Variants in SECTM1 observed in about 807,000 individuals in gnomAD.
SECTM1 encodes the protein secreted and transmembrane 1, also known as secreted and transmembrane protein 1.
Under a neutral mutation model 18.1 loss-of-function variants are expected in SECTM1, and 10 were observed. The ratio of observed to expected loss-of-function variants is 0.55; its 90% CI spans 0.34 to 0.94. The LOEUF is 0.94. Among genes scored for constraint, SECTM1 ranks in the 40% least tolerant of loss-of-function variants. The probability of loss-of-function intolerance (pLI) is 0.02; values close to 1 mark genes in which losing one functional copy is unlikely to be tolerated. For missense variants in SECTM1, 297 were observed against 322.6 expected (o/e 0.92, Z 0.61); for synonymous variants, 137 against 139.2 (o/e 0.98, Z 0.11).
intron 3 of SECTM1, 50 bp downstream of exon 3, chr17:82,324,532 C>CCG: frequency 6.5e-6 from 7 of 1,079,958 alleles, no homozygotes; most frequent in South Asian, 1.7e-5. Flanking sequence ...CTCCCCTCCC[C>CCG]GTGTCCCCTC....
Position 82,329,247 on chromosome 17 carries a change from C to G in SECTM1, c.-52-1955G>C, listed in dbSNP as rs940587763. ...GCCACAGGCAGCCACCCGGTCATTC[C>G]CATACTCTCACCATGGTCCTGCCTC... On this transcript the variant is annotated intron_variant, in intron 1 of 4. Coordinates refer to ENST00000269389, the MANE Select transcript of SECTM1 (RefSeq NM_003004.3). The surrounding 1 kb of genome is among the most constrained non-coding windows in gnomAD (Gnocchi z 7.6). 1 of 152,596 alleles carries G rather than the reference C, an allele frequency of 6.6e-6. No homozygotes were observed. The highest frequency in any genetic ancestry group is 6.5e-5 in the Admixed American group (1 of 15,284). 9.5% of individuals were successfully genotyped at this position (152,596 alleles called of 1,614,324 possible). A position where few individuals can be genotyped will look rare whatever the true frequency, so the allele number is the denominator to read the frequency against.
chr17:82,322,386 G>A lies in SECTM1; in HGVS notation c.538-16C>T. ...AGAACTTCTTCTGCAGGGGGAGGAAGGAGGTGCCTGTGTGAGCCGCGCGCC... is the reference window on the plus strand; with the variant it reads ...AGAACTTCTTCTGCAGGGGGAGGAAAGAGGTGCCTGTGTGAGCCGCGCGCC... On this transcript the variant is annotated splice_polypyrimidine_tract_variant and intron_variant, in intron 4 of 4. Coordinates refer to ENST00000269389, the MANE Select transcript of SECTM1 (RefSeq NM_003004.3). 1 of 1,612,334 alleles carries A rather than the reference G, an allele frequency of 6.2e-7. No individual in the cohort carries two copies. The highest frequency in any genetic ancestry group is 1.7e-5 in the Admixed American group (1 of 59,982).
rs911165362 is a variant in SECTM1 at position 82,321,616 on chromosome 17, C to T, written c.*545G>A. ...CCTCCCAGCCCGGCCTGCGCTGCCC[C>T]CTGGCGGTGGGGCCAGGAGCCATCC... On this transcript the variant is annotated 3_prime_UTR_variant, in exon 5 of 5. Coordinates refer to ENST00000269389, the MANE Select transcript of SECTM1 (RefSeq NM_003004.3). 4 of 153,494 alleles carry T rather than the reference C, an allele frequency of 2.6e-5. No homozygotes were observed. Among genetic ancestry groups the T allele is most frequent in the African/African-American group, 9.6e-5 (4 of 41,470 alleles). 9.5% of individuals were successfully genotyped at this position (153,494 alleles called of 1,614,324 possible). A position where few individuals can be genotyped will look rare whatever the true frequency, so the allele number is the denominator to read the frequency against.
chr17:82,331,337 T>C (rs922274200), intron 1 of SECTM1, among the ~76,000 whole-genome samples: 7 of 152,176 alleles, frequency 4.6e-5, no homozygotes, highest in South Asian at 2.1e-4. Flanking sequence ...CTGCGGACCA[T>C]GCGTGGCCCC....
intron 3 of SECTM1, among the ~76,000 whole-genome samples, chr17:82,324,152 G>A (rs112425636): frequency 0.029 from 4,386 of 152,146 alleles, 105 homozygotes; most frequent in Non-Finnish European, 0.045. Context: ...CAGGTATTTG[G>A]GGTGCAGTTT....
At position 82,322,994 on chromosome 17, in the gene SECTM1, C is replaced by A. The variant is rs1350041865; in HGVS notation, c.421G>T (p.Ala141Ser). Reference sequence around the variant, plus strand: ...ACAGGCCAGAACCCAGTGTCGGGGGCGGACTGGGGTTCTGCACCTGAAGGA... The same window carrying A: ...ACAGGCCAGAACCCAGTGTCGGGGGAGGACTGGGGTTCTGCACCTGAAGGA... ...LEVSGAEPQS[A>S]PDTGFWPVPA... The change falls in exon 4 of 5, where the codon GCC becomes TCC. Residue 141 changes from alanine (A) to serine (S), a missense_variant. Coordinates refer to ENST00000269389, the MANE Select transcript of SECTM1 (RefSeq NM_003004.3). 7 of 1,612,750 alleles carry A rather than the reference C, an allele frequency of 4.3e-6. No individual in the cohort carries two copies. Among genetic ancestry groups the A allele is most frequent in the East Asian group, 4.5e-5 (2 of 44,840 alleles).
At chr17:82,333,269 C>A (rs912063481) in intron 1 of SECTM1, among the ~76,000 whole-genome samples, 2 of 152,222 alleles carry the variant, frequency 1.3e-5, no homozygotes, top group African/African-American at 2.4e-5. Flanking sequence ...GGCCGAGGAC[C>A]GGGAAGGGAG....
Position 82,322,093 on chromosome 17 carries a change from C to T in SECTM1, c.*68G>A, listed in dbSNP as rs1334499655. 2.0e-6 allele frequency: 3 copies of T among 1,528,132 alleles called. No homozygotes were observed. In the African/African-American group the frequency reaches 4.1e-5, roughly 21 times the overall value. The allele number at this position is 1,528,132 out of a possible 1,614,324, so 94.7% of individuals were successfully genotyped here. A position where few individuals can be genotyped will look rare whatever the true frequency, so the allele number is the denominator to read the frequency against. ...GTGCCCTCCGGGTGGGACGAGAGACCCAGGCCCCGCCACCCAAGGTCGGCA... is the reference window on the plus strand; with the variant it reads ...GTGCCCTCCGGGTGGGACGAGAGACTCAGGCCCCGCCACCCAAGGTCGGCA... On this transcript the variant is annotated 3_prime_UTR_variant, in exon 5 of 5. Coordinates refer to ENST00000269389, the MANE Select transcript of SECTM1 (RefSeq NM_003004.3).
At position 82,329,101 on chromosome 17, in the gene SECTM1, G is replaced by A. The variant is rs2052171931; in HGVS notation, c.-52-1809C>T. Among the ~76,000 whole-genome samples, 1 of 151,302 alleles carries A rather than the reference G, an allele frequency of 6.6e-6. No homozygotes were observed. Among genetic ancestry groups the A allele is most frequent in the Non-Finnish European group, 1.5e-5 (1 of 67,822 alleles). ...CCATGTTACCAGGGGTCCTCCTGGA[G>A]CCTGGAGTCTGGGCCTGCTGAGGAC... On this transcript the variant is annotated intron_variant, in intron 1 of 4. Coordinates refer to ENST00000269389, the MANE Select transcript of SECTM1 (RefSeq NM_003004.3). This position sits in a 1 kb window ranked among gnomAD's most constrained non-coding sequence, Gnocchi z 7.6.
chr17:82,324,853 A>G lies in SECTM1; in HGVS notation c.132T>C (p.Ser44=). The change falls in exon 3 of 5, where the codon TCT becomes TCC. Residue 44 remains serine, a synonymous_variant. Coordinates refer to ENST00000269389, the MANE Select transcript of SECTM1 (RefSeq NM_003004.3). ...DSPICTEGVV[S]VSWGENTVMS... ...TGACGGTGTTCTCGCCCCAAGACAC[A>G]GAGACTACCCCCTCTGTGCAGATGG... is the stretch of plus-strand genomic sequence containing the variant. The G allele has an allele frequency of 6.2e-7, 1 of 1,613,934 alleles. No homozygotes were observed. The highest frequency in any genetic ancestry group is 8.5e-7 in the Non-Finnish European group (1 of 1,179,976).
In SECTM1 at chr17:82,328,088, G is replaced by A. The variant is rs942258656; in HGVS notation, c.-52-796C>T. 3 of 151,214 alleles carry A rather than the reference G, an allele frequency of 2.0e-5. No individual in the cohort carries two copies. The highest frequency in any genetic ancestry group is 2.1e-4 in the South Asian group (1 of 4,800). The allele number at this position is 151,214 out of a possible 1,614,324, so 9.4% of individuals were successfully genotyped here. A position where few individuals can be genotyped will look rare whatever the true frequency, so the allele number is the denominator to read the frequency against. ...CAGTTGCGTTCCTTTCGAATCCATCGTTTACACCTCTGTGTGTTCCTAATG... is the reference window on the plus strand; with the variant it reads ...CAGTTGCGTTCCTTTCGAATCCATCATTTACACCTCTGTGTGTTCCTAATG... On this transcript the variant is annotated intron_variant, in intron 1 of 4. Coordinates refer to ENST00000269389, the MANE Select transcript of SECTM1 (RefSeq NM_003004.3). This position sits in a 1 kb window ranked among gnomAD's most constrained non-coding sequence, Gnocchi z 5.8.
At position 82,322,916 on chromosome 17, in the gene SECTM1, C is replaced by A; in HGVS notation, c.499G>T (p.Ala167Ser). 1 of 1,613,870 alleles carries A rather than the reference C, an allele frequency of 6.2e-7. No homozygotes were observed. Among genetic ancestry groups the A allele is most frequent in the South Asian group, 1.1e-5 (1 of 91,072 alleles). Residue 167 changes from alanine to serine, a missense_variant, in exon 4 of 5, where the codon GCC becomes TCC. Transcript: ENST00000269389. ...TGGGAACAGCGGCACCTGTACCAGG[C>A]GAACATGACCAGAGCGACCAAGAGG... ...FILLVALVMF[A>S]WYRCRCSQQR...
rs988161198 is a variant in SECTM1 at position 82,328,717 on chromosome 17, C to G, written c.-52-1425G>C. Among the ~76,000 whole-genome samples, 1 of 152,196 alleles carries G rather than the reference C, an allele frequency of 6.6e-6. No homozygotes were observed. The highest frequency in any genetic ancestry group is 1.5e-5 in the Non-Finnish European group (1 of 68,016). ...CCTGGGTCTGTTCCAGGTGGGGCAG[C>G]GGGTAAGGCCCAGCAGGAGCCCTGG... On this transcript the variant is annotated intron_variant, in intron 1 of 4. Coordinates refer to ENST00000269389, the MANE Select transcript of SECTM1 (RefSeq NM_003004.3). This position sits in a 1 kb window ranked among gnomAD's most constrained non-coding sequence, Gnocchi z 5.8.
At chr17:82,327,955 C>A (rs1433891027) in intron 1 of SECTM1, among the ~76,000 whole-genome samples, 2 of 126,706 alleles carry the variant, frequency 1.6e-5, no homozygotes, top group Non-Finnish European at 3.4e-5. Flanking sequence ...AGCCCCCCCA[C>A]CCTGCCCGTC....
rs990030944 is a variant in SECTM1 at position 82,321,825 on chromosome 17, G to A, written c.*336C>T. On this transcript the variant is annotated 3_prime_UTR_variant, in exon 5 of 5. Transcript: ENST00000269389. ...GCGGAGCCCTGGGAGTGGAGAGAGC[G>A]GACCCCACACCTGGGGCCGGACCAG... The A allele has an allele frequency of 7.4e-5, 24 of 325,620 alleles. No individual in the cohort carries two copies. Among genetic ancestry groups the A allele is most frequent in the Middle Eastern group, 9.4e-4 (1 of 1,060 alleles). The allele number at this position is 325,620 out of a possible 1,614,324, so 20.2% of individuals were successfully genotyped here.
chr17:82,322,593 C>T (rs1006468203), intron 4 of SECTM1, among the ~76,000 whole-genome samples: 1 of 151,886 alleles, frequency 6.6e-6, no homozygotes, highest in Admixed American at 6.5e-5. Context: ...CTCCAAGTTC[C>T]GTCCCTGATG....
Position 82,322,374 on chromosome 17 carries a change from C to T in SECTM1, c.538-4G>A. The stretch of plus-strand genomic sequence containing the variant: ...GTTCTAGGAGGAAGAACTTCTTCTG[C>T]AGGGGGAGGAAGGAGGTGCCTGTGT... On this transcript the variant is annotated splice_polypyrimidine_tract_variant and splice_region_variant and intron_variant, in intron 4 of 4. Transcript: ENST00000269389. 3 of 1,613,438 alleles carry T rather than the reference C, an allele frequency of 1.9e-6. No individual in the cohort carries two copies. Among genetic ancestry groups the T allele is most frequent in the South Asian group, 2.2e-5 (2 of 91,070 alleles).
intron 1 of SECTM1, among the ~76,000 whole-genome samples, chr17:82,327,953 C>T (rs555888205): frequency 1.3e-4 from 17 of 126,956 alleles, no homozygotes; most frequent in African/African-American, 4.2e-4. Flanking sequence ...CCAGCCCCCC[C>T]ACCCTGCCCG....
At chr17:82,327,097 C>T in intron 2 of SECTM1, 50 bp downstream of exon 2, 1 of 1,445,056 alleles carries the variant, frequency 6.9e-7, no homozygotes, top group Non-Finnish European at 9.6e-7. Flanking sequence ...CTGTCATGCC[C>T]CCACCGGGCC....
Sources: allele counts gnomAD v4.1 joint callset (sites outside exome capture counted in the v4.1 genomes callset), GRCh38; gene constraint gnomAD v4.1.1; non-coding constraint Gnocchi (gnomAD v3.1); transcripts MANE v1.5; gene names NCBI Gene and HGNC (gene_info 2026-07-23, HGNC 2026-07-21).